The following GRM1 variants were observed in gnomAD, a reference collection of about 807,000 sequenced individuals.
GRM1 encodes metabotropic glutamate receptor 1.
GRM1 carries 33 observed loss-of-function variants against 90.9 expected under a neutral mutation model. The observed-to-expected ratio is 0.36, with a 90% confidence interval of 0.28 to 0.49. GRM1 has a LOEUF of 0.49. GRM1 is among the 20% of genes least tolerant of loss of function. The pLI is 0.99. For synonymous variants in GRM1, 700 were observed against 613.2 expected, an observed-to-expected ratio of 1.14 and a Z score of -2.09; for missense variants, 1,190 against 1,534.3, an observed-to-expected ratio of 0.78 and a Z score of 3.75.
intron 1 of GRM1, among the ~76,000 whole-genome samples, chr6:146,142,537 C>G (rs1267198602): frequency 6.6e-6 from 1 of 152,088 alleles, no homozygotes; most frequent in Non-Finnish European, 1.5e-5. Flanking sequence ...GGAGGCAGGA[C>G]CTGGAGTCAG....
intron 1 of GRM1, among the ~76,000 whole-genome samples, chr6:146,101,756 GTAT>G (rs905467734): frequency 1.3e-5 from 2 of 150,500 alleles, no homozygotes; most frequent in African/African-American, 4.9e-5. Context: ...AATATCACTG[GTAT>G]TATTATGACT....
chr6:146,235,661 T>G (rs1780616748), intron 2 of GRM1, among the ~76,000 whole-genome samples: 2 of 151,692 alleles, frequency 1.3e-5, no homozygotes, highest in Non-Finnish European at 2.9e-5. Context: ...CAGTTTTCAG[T>G]CTAATGATGA....
At chr6:146,241,155 C>T (rs1030530952) in intron 2 of GRM1, among the ~76,000 whole-genome samples, 28 of 152,052 alleles carry the variant, frequency 1.8e-4, no homozygotes, top group Admixed American at 2.0e-4. Flanking sequence ...CCTCATTACA[C>T]GATTGAGATT....
intron 1 of GRM1, among the ~76,000 whole-genome samples, chr6:146,103,071 C>T (rs1303483444): frequency 2.0e-5 from 3 of 152,170 alleles, no homozygotes; most frequent in Non-Finnish European, 2.9e-5. Context: ...TCTTGGATGG[C>T]GTGGCTGTCC....
At chr6:146,150,270 T>A (rs548779915) in intron 1 of GRM1, among the ~76,000 whole-genome samples, 1 of 152,268 alleles carries the variant, frequency 6.6e-6, no homozygotes, top group East Asian at 1.9e-4. Context: ...AAATTTAGAT[T>A]TTATCATAAG....
chr6:146,178,361 G>A (rs1399083380), intron 2 of GRM1, among the ~76,000 whole-genome samples: 1 of 152,094 alleles, frequency 6.6e-6, no homozygotes, highest in African/African-American at 2.4e-5. Context: ...ATATTATATA[G>A]GTTGAGTATC....
chr6:146,333,621 G>T (rs1252977697), intron 3 of GRM1, among the ~76,000 whole-genome samples: 3 of 152,076 alleles, frequency 2.0e-5, no homozygotes, highest in South Asian at 2.1e-4. Context: ...TGAAAACCAG[G>T]GGCCAGAAGA....
intron 1 of GRM1, among the ~76,000 whole-genome samples, chr6:146,117,448 T>A (rs1775794466): frequency 6.6e-6 from 1 of 152,012 alleles, no homozygotes; most frequent in African/African-American, 2.4e-5. Flanking sequence ...TTTGTTTATT[T>A]ATTTTATAAC....
At chr6:146,125,746 C>T (rs974730344) in intron 1 of GRM1, among the ~76,000 whole-genome samples, 8 of 152,048 alleles carry the variant, frequency 5.3e-5, no homozygotes, top group Admixed American at 5.2e-4. Context: ...CTTATGCTTG[C>T]ATGTGTTTTT....
intron 2 of GRM1, among the ~76,000 whole-genome samples, chr6:146,255,046 G>T (rs1004533373): frequency 5.3e-5 from 8 of 152,164 alleles, no homozygotes; most frequent in Non-Finnish European, 1.2e-4. Flanking sequence ...AAGAATGTGA[G>T]ATAACTTAAG....
At chr6:146,325,926 A>T (rs1440868254) in intron 3 of GRM1, among the ~76,000 whole-genome samples, 1 of 152,132 alleles carries the variant, frequency 6.6e-6, no homozygotes, top group Non-Finnish European at 1.5e-5. Flanking sequence ...TTAAACCCTT[A>T]AGTCATATAG....
intron 1 of GRM1, among the ~76,000 whole-genome samples, chr6:146,078,008 G>A (rs1776244643): frequency 6.6e-6 from 1 of 152,204 alleles, no homozygotes; most frequent in Admixed American, 6.5e-5. Context: ...ATTAAAATGA[G>A]ACTCAGTTTT....
In GRM1 at chr6:146,397,100, A is replaced by G. The variant is rs1051256382; in HGVS notation, c.1730-1669A>G. On this transcript the variant is annotated intron_variant, in intron 6 of 7. Coordinates refer to ENST00000282753, the MANE Select transcript of GRM1 (RefSeq NM_001278064.2). ...TGATCAGAGCATCTCCTGGAATGTT[A>G]TCAAATAAGGAGTCTTCAAAATTAT... Among the ~76,000 whole-genome samples, 11 of 152,304 alleles carry G rather than the reference A, an allele frequency of 7.2e-5. 1 individual carries two copies. Among genetic ancestry groups the G allele is most frequent in the Admixed American group, 7.2e-4 (11 of 15,298 alleles).
chr6:146,149,889 C>A (rs1227121225), intron 1 of GRM1, among the ~76,000 whole-genome samples: 1 of 152,072 alleles, frequency 6.6e-6, no homozygotes, highest in Non-Finnish European at 1.5e-5. Context: ...TCTTTGATTG[C>A]CCAGTGTGAG....
rs371683710 is a variant in GRM1, at chr6:146,171,072, C to T, written c.950+11475C>T. Among the ~76,000 whole-genome samples the T allele has an allele frequency of 1.4e-4, 21 of 152,132 alleles. 1 individual carries two copies. In the South Asian group the frequency reaches 4.1e-3, roughly 30 times the overall value. On this transcript the variant is annotated intron_variant, in intron 2 of 7. Coordinates refer to ENST00000282753, the MANE Select transcript of GRM1 (RefSeq NM_001278064.2). ...TTTTATATATGAGAAAACCATGGCTCACTGAGATTTGATGACTTATCCAGA... is the reference window on the plus strand; with the variant it reads ...TTTTATATATGAGAAAACCATGGCTTACTGAGATTTGATGACTTATCCAGA...
intron 5 of GRM1, among the ~76,000 whole-genome samples, chr6:146,377,596 G>A (rs112707082): frequency 6.6e-6 from 1 of 152,116 alleles, no homozygotes; most frequent in African/African-American, 2.4e-5. Flanking sequence ...GCCTGATGAT[G>A]CATTAGAAAA....
At chr6:146,050,792 T>A (rs1277289777) in intron 1 of GRM1, among the ~76,000 whole-genome samples, 1 of 152,066 alleles carries the variant, frequency 6.6e-6, no homozygotes, top group East Asian at 1.9e-4. Flanking sequence ...CATATGCCTA[T>A]GAGATTCCTG....
intron 2 of GRM1, among the ~76,000 whole-genome samples, chr6:146,244,628 C>T (rs930020192): frequency 6.6e-6 from 1 of 152,170 alleles, no homozygotes; most frequent in African/African-American, 2.4e-5. Context: ...TTTGGGGTAG[C>T]CTACGAATCA....
intron 1 of GRM1, among the ~76,000 whole-genome samples, chr6:146,107,759 C>A (rs1307337862): frequency 6.6e-6 from 1 of 152,170 alleles, no homozygotes; most frequent in African/African-American, 2.4e-5. Flanking sequence ...TTCCCCTCAT[C>A]TGAGGGCCTC....
Sources: gnomAD v4.1 joint callset for allele counts (sites outside exome capture counted in the v4.1 genomes callset) on GRCh38, gnomAD v4.1.1 for gene constraint, MANE v1.5 for transcripts, NCBI Gene and HGNC (gene_info 2026-07-23, HGNC 2026-07-21) for gene names.